The following FOLH1 variants were observed in gnomAD, a reference collection of about 807,000 sequenced individuals.
FOLH1 encodes the protein glutamate carboxypeptidase 2.
A neutral mutation model predicts 93.9 loss-of-function variants in FOLH1; 54 were observed. The observed-to-expected ratio is 0.57, with a 90% CI of 0.46 to 0.72. FOLH1 has a LOEUF of 0.72. Among genes scored for constraint, FOLH1 ranks in the 30% least tolerant of loss-of-function variants. The pLI, the probability that FOLH1 is intolerant of heterozygous loss-of-function variation, is 0.00. For missense variants in FOLH1, 571 were observed against 892.5 expected (o/e 0.64, Z 4.59); for synonymous variants, 249 against 303.6 (o/e 0.82, Z 1.87).
In FOLH1 at chr11:49,173,467, A is replaced by C. The variant is rs752888961; in HGVS notation, c.1115T>G (p.Val372Gly). ...TGAGTCCCGGTGACCTCCCAGAATG[A>C]CATATCTGTCTAGAAAGCATAGATA... The part of the protein sequence containing the change: ...LRGAVEPDRY[V>G]ILGGHRDSWV... The change falls in exon 10 of 19, where the codon GTC becomes GGC. Residue 372 changes from valine to glycine, a missense_variant. By Grantham distance (109) the Val-to-Gly change is moderately radical. Transcript: ENST00000256999. The C allele has an allele frequency of 6.2e-7, 1 of 1,605,544 alleles. No individual in the cohort carries two copies. Among genetic ancestry groups the C allele is most frequent in the African/African-American group, 1.3e-5 (1 of 74,720 alleles).
intron 12 of FOLH1, among the ~76,000 whole-genome samples, chr11:49,166,000 A>C (rs1428513702): frequency 2.6e-5 from 4 of 152,200 alleles, no homozygotes; most frequent in Non-Finnish European, 5.9e-5. Flanking sequence ...CCCTCTCCTC[A>C]CATTATACCA....
At chr11:49,158,149 C>T in intron 13 of FOLH1, 106 bp from the exon 14 acceptor site, 1 of 929,828 alleles carries the variant, frequency 1.1e-6, no homozygotes. Context: ...TCAGCAAAAA[C>T]AAGGGATGCT....
intron 13 of FOLH1, among the ~76,000 whole-genome samples, chr11:49,160,954 T>C (rs1285894088): frequency 6.6e-6 from 1 of 152,196 alleles, no homozygotes; most frequent in Non-Finnish European, 1.5e-5. Context: ...TTTGAGTGAA[T>C]TTCTTACTCT....
intron 15 of FOLH1, among the ~76,000 whole-genome samples, chr11:49,155,207 G>A (rs1446108559): frequency 3.3e-5 from 5 of 152,110 alleles, no homozygotes; most frequent in Non-Finnish European, 1.5e-5. Flanking sequence ...CCCTGCCAGG[G>A]TTTGAATCTA....
chr11:49,197,950 TATAACTTGG>T (rs1317394967), intron 3 of FOLH1, among the ~76,000 whole-genome samples: 1 of 152,056 alleles, frequency 6.6e-6, no homozygotes, highest in Non-Finnish European at 1.5e-5. Context: ...TATGTACATA[TATAACTTGG>T]ATAAAAATAA....
chr11:49,157,869 A>C (rs947191360), intron 14 of FOLH1, 83 bp downstream of exon 14: 5 of 1,310,576 alleles, frequency 3.8e-6, no homozygotes, highest in Non-Finnish European at 5.2e-6. Flanking sequence ...TTAATTTTTC[A>C]CTTAATGATT....
rs1864243450 is a variant in FOLH1 at position 49,208,578 on chromosome 11, C to G, written c.-169G>C. 1 of 523,004 alleles carries G rather than the reference C, an allele frequency of 1.9e-6. No individual in the cohort carries two copies. Among genetic ancestry groups the G allele is most frequent in the Non-Finnish European group, 3.4e-6 (1 of 294,868 alleles). 32.4% of individuals were successfully genotyped at this position (523,004 alleles called of 1,614,324 possible). A position where few individuals can be genotyped will look rare whatever the true frequency, so the allele number is the denominator to read the frequency against. ...CAGACCTGGGGTCCAGTTTCTCCAC[C>G]ACAGCAGTGTTTCTAGAGTGCACTG... On this transcript the variant is annotated 5_prime_UTR_variant, in exon 1 of 19. Coordinates refer to ENST00000256999, the MANE Select transcript of FOLH1 (RefSeq NM_004476.3).
chr11:49,150,576 C>A (rs1253569568), intron 17 of FOLH1, among the ~76,000 whole-genome samples: 1 of 152,032 alleles, frequency 6.6e-6, no homozygotes, highest in African/African-American at 2.4e-5. Context: ...AATAATATTC[C>A]TTTTATTTTT....
rs1862972387 is a variant in FOLH1 at position 49,198,911 on chromosome 11, C to A, written c.411+1344G>T. On this transcript the variant is annotated intron_variant, in intron 3 of 18. Coordinates refer to ENST00000256999, the MANE Select transcript of FOLH1 (RefSeq NM_004476.3). ...TAGGGGAACATGCCACCACGCCTGG[C>A]TTAATAATATTTTTTAAAGTTATAT... Among the ~76,000 whole-genome samples, 3 of 151,612 alleles carry A rather than the reference C, an allele frequency of 2.0e-5. No individual in the cohort carries two copies. The South Asian group carries it at 6.2e-4, about 31-fold the overall frequency.
chr11:49,198,465 A>ACTCC (rs1862889052), intron 3 of FOLH1, among the ~76,000 whole-genome samples: 2 of 148,992 alleles, frequency 1.3e-5, no homozygotes, highest in African/African-American at 5.1e-5. Flanking sequence ...CTGGGCGACA[A>ACTCC]AGCGAGACTC....
chr11:49,176,907 G>A (rs1860112600), intron 7 of FOLH1, among the ~76,000 whole-genome samples: 2 of 152,074 alleles, frequency 1.3e-5, no homozygotes, highest in African/African-American at 4.8e-5. Context: ...ATACTGAGAT[G>A]TTTAGTTATG....
chr11:49,181,531 T>C (rs191301335), intron 7 of FOLH1, among the ~76,000 whole-genome samples: 21 of 152,232 alleles, frequency 1.4e-4, no homozygotes, highest in Admixed American at 8.5e-4. Context: ...GTACTACATA[T>C]AATATCTTTT....
intron 10 of FOLH1, among the ~76,000 whole-genome samples, chr11:49,172,671 T>C (rs1859478873): frequency 6.6e-6 from 1 of 152,172 alleles, no homozygotes; most frequent in Non-Finnish European, 1.5e-5. Flanking sequence ...ATAGATTACA[T>C]TTTACAGCCC....
intron 12 of FOLH1, among the ~76,000 whole-genome samples, chr11:49,167,284 C>G (rs1026697394): frequency 6.6e-6 from 1 of 152,090 alleles, no homozygotes; most frequent in Non-Finnish European, 1.5e-5. Context: ...TTTGCCCTTA[C>G]AGGAGCCTTT....
rs755671555 is a variant in FOLH1, at chr11:49,206,052, C to A, written c.224+15G>T. 4 of 1,600,404 alleles carry A rather than the reference C, an allele frequency of 2.5e-6. No homozygotes were observed. Among genetic ancestry groups the A allele is most frequent in the African/African-American group, 2.7e-5 (2 of 74,454 alleles). ...CTAACAACTTGTCCATATAAACTTTCGAGGATGTACTTACTATAAGAACTT... is the reference window on the plus strand; with the variant it reads ...CTAACAACTTGTCCATATAAACTTTAGAGGATGTACTTACTATAAGAACTT... On this transcript the variant is annotated intron_variant, in intron 2 of 18. Coordinates refer to ENST00000256999, the MANE Select transcript of FOLH1 (RefSeq NM_004476.3).
intron 17 of FOLH1, among the ~76,000 whole-genome samples, chr11:49,152,538 A>T (rs1458318637): frequency 6.6e-6 from 1 of 152,180 alleles, no homozygotes; most frequent in Non-Finnish European, 1.5e-5. Context: ...TGCATTAGTG[A>T]ACTGCAATAT....
intron 7 of FOLH1, among the ~76,000 whole-genome samples, chr11:49,181,889 C>T (rs1388451805): frequency 6.6e-6 from 1 of 151,948 alleles, no homozygotes; most frequent in Non-Finnish European, 1.5e-5. Flanking sequence ...AGTGCCTTGC[C>T]CTTGGTCAAA....
intron 9 of FOLH1, 140 bp downstream of exon 9, chr11:49,174,751 GT>G: frequency 1.3e-6 from 1 of 741,258 alleles, no homozygotes; most frequent in Non-Finnish European, 2.2e-6. Flanking sequence ...TATTTCCTTT[GT>G]TTTTAGGTGA....
chr11:49,199,604 T>C (rs1487039657), intron 3 of FOLH1, among the ~76,000 whole-genome samples: 4 of 152,038 alleles, frequency 2.6e-5, no homozygotes, highest in Non-Finnish European at 5.9e-5. Flanking sequence ...CTTTATAAAT[T>C]AAACCTATCA....
Sources: allele counts gnomAD v4.1 joint callset (sites outside exome capture counted in the v4.1 genomes callset), GRCh38; gene constraint gnomAD v4.1.1; transcripts MANE v1.5; gene names NCBI Gene and HGNC (gene_info 2026-07-23, HGNC 2026-07-21).